The following ZNF469 variants were observed in gnomAD, a reference collection of about 807,000 sequenced individuals.
ZNF469 encodes zinc finger protein 469.
ZNF469 carries 1 observed loss-of-function variant against 1.0 expected under a neutral mutation model. That is an observed-to-expected ratio of 1.00 (90% CI 0.35 to 4.73). The LOEUF (loss-of-function observed/expected upper bound fraction) is 4.73. Ranked by LOEUF, ZNF469 falls within the 30% of genes most tolerant of loss-of-function variation. ZNF469 has a pLI of 0.16. For missense variants in ZNF469, 6,100 were observed against 5,356.3 expected, an observed-to-expected ratio of 1.14 and a Z score of -4.33; for synonymous variants, 2,703 against 2,363.4, an observed-to-expected ratio of 1.14 and a Z score of -4.17.
chr16:88,319,159 C>T, the ZNF469 span, among the ~76,000 whole-genome samples: 11 of 152,244 alleles, frequency 7.2e-5, no homozygotes, highest in Middle Eastern at 0.01. Flanking sequence ...ATTTGGGGTT[C>T]GGGCTCCTCA....
At chr16:88,117,453 C>T in the ZNF469 span, among the ~76,000 whole-genome samples, 1 of 152,178 alleles carries the variant, frequency 6.6e-6, no homozygotes, top group Non-Finnish European at 1.5e-5. Context: ...TCTTTTTTTA[C>T]TTGGAGAGAC....
chr16:88,249,950 G>A, the ZNF469 span, among the ~76,000 whole-genome samples: 1 of 152,200 alleles, frequency 6.6e-6, no homozygotes, highest in Non-Finnish European at 1.5e-5. Context: ...CAGCATAGCT[G>A]GTTCCTTCTC....
At chr16:88,107,597 G>A in the ZNF469 span, among the ~76,000 whole-genome samples, 11 of 152,228 alleles carry the variant, frequency 7.2e-5, no homozygotes, top group Admixed American at 7.2e-4. Flanking sequence ...CACTGCCTGT[G>A]GCTGAGGGTC....
the ZNF469 span, among the ~76,000 whole-genome samples, chr16:88,160,800 G>A: frequency 1.3e-5 from 2 of 152,132 alleles, no homozygotes; most frequent in East Asian, 3.9e-4. Context: ...GATACACTGA[G>A]CCACCCAGCC....
Position 88,435,623 on chromosome 16 carries a change from AGACTG to A in ZNF469, c.8155_8159del (p.Thr2719GlyfsTer115). The A allele has an allele frequency of 6.5e-7, 1 of 1,550,256 alleles. No individual in the cohort carries two copies. ...GACCAGGAGGCTCTGTGTGCAGGGGAGACTGGGGCCCAGAAGCCACCTGGAGATCG... is the reference window on the plus strand; with the variant it reads ...GACCAGGAGGCTCTGTGTGCAGGGGAGGGCCCAGAAGCCACCTGGAGATCG... On this transcript the variant is annotated frameshift_variant, in exon 3 of 3. Transcript: ENST00000565624. LOFTEE classifies it low-confidence loss of function (END_TRUNC).
At chr16:88,395,638 T>C (rs1481152688) in intron 1 of ZNF469, among the ~76,000 whole-genome samples, 1 of 152,028 alleles carries the variant, frequency 6.6e-6, no homozygotes, top group Non-Finnish European at 1.5e-5. Context: ...GTAGATAACA[T>C]TATAATGTTA....
the ZNF469 span, among the ~76,000 whole-genome samples, chr16:88,224,208 A>T: frequency 6.6e-6 from 1 of 152,176 alleles, no homozygotes; most frequent in East Asian, 1.9e-4. Context: ...GGAGGAAGAC[A>T]CGCGGCCACA....
chr16:88,159,389 G>A, the ZNF469 span, among the ~76,000 whole-genome samples: 2 of 152,150 alleles, frequency 1.3e-5, no homozygotes, highest in Admixed American at 6.5e-5. Context: ...TCTCTACCGT[G>A]CCACGGCTCA....
intron 1 of ZNF469, among the ~76,000 whole-genome samples, chr16:88,415,519 G>C (rs1288052704): frequency 6.6e-6 from 1 of 152,352 alleles, no homozygotes; most frequent in East Asian, 1.9e-4. Context: ...CCCCCAGCCT[G>C]GGAATGGCAG....
the ZNF469 span, among the ~76,000 whole-genome samples, chr16:88,374,654 A>G: frequency 6.6e-6 from 1 of 152,112 alleles, no homozygotes; most frequent in Non-Finnish European, 1.5e-5. Context: ...TTGTTTTCTT[A>G]TTCACACTAA....
the ZNF469 span, among the ~76,000 whole-genome samples, chr16:88,186,152 T>G: frequency 6.6e-6 from 1 of 152,316 alleles, no homozygotes; most frequent in African/African-American, 2.4e-5. Flanking sequence ...TGTATTCGAC[T>G]GCGGGGGCGT....
chr16:88,140,523 C>T, the ZNF469 span, among the ~76,000 whole-genome samples: 21 of 148,268 alleles, frequency 1.4e-4, no homozygotes, highest in African/African-American at 4.0e-4. Context: ...ACGTGAGAGA[C>T]GCGATGTTCA....
the ZNF469 span, among the ~76,000 whole-genome samples, chr16:88,121,591 C>A: frequency 6.6e-6 from 1 of 152,286 alleles, no homozygotes; most frequent in East Asian, 1.9e-4. Flanking sequence ...CCCTGGGCCA[C>A]TGTGAGAGTT....
At chr16:88,239,663 T>A in the ZNF469 span, among the ~76,000 whole-genome samples, 18 of 91,882 alleles carry the variant, frequency 2.0e-4, no homozygotes, top group African/African-American at 7.5e-4. Context: ...TATTTTTTTT[T>A]TTTGTATATA....
the ZNF469 span, among the ~76,000 whole-genome samples, chr16:88,108,149 ATGGGGGT>A: frequency 9.5e-6 from 1 of 105,252 alleles, no homozygotes; most frequent in Admixed American, 1.2e-4. Context: ...GGATGTGGGG[ATGGGGGT>A]CCACGTCTGT....
the ZNF469 span, among the ~76,000 whole-genome samples, chr16:88,340,680 A>C: frequency 7.0e-6 from 1 of 142,478 alleles, no homozygotes; most frequent in Non-Finnish European, 1.5e-5. Context: ...GGGAGCACAG[A>C]GGAGGCAGGT....
chr16:88,364,424 T>G, the ZNF469 span, among the ~76,000 whole-genome samples: 1 of 148,484 alleles, frequency 6.7e-6, no homozygotes, highest in Non-Finnish European at 1.5e-5. Context: ...TTATTTTGTC[T>G]GGCTATTATT....
chr16:88,394,577 G>A (rs899461959), intron 1 of ZNF469, among the ~76,000 whole-genome samples: 6 of 152,224 alleles, frequency 3.9e-5, no homozygotes, highest in African/African-American at 7.2e-5. Flanking sequence ...ACAGGCCTGT[G>A]GGGTGTGAGG....
Position 88,428,159 on chromosome 16 carries a change from G to T in ZNF469, c.689G>T (p.Ser230Ile), listed in dbSNP as rs554483098. The T allele has an allele frequency of 2.6e-6, 4 of 1,550,202 alleles. No homozygotes were observed. Among genetic ancestry groups the T allele is most frequent in the Non-Finnish European group, 3.5e-6 (4 of 1,146,902 alleles). Residue 230 changes from serine to isoleucine, a missense_variant, in exon 3 of 3, where the codon AGT becomes ATT. By Grantham distance (142) the Ser-to-Ile change is moderately radical. Coordinates refer to ENST00000565624, the MANE Select transcript of ZNF469 (RefSeq NM_001367624.2). The stretch of plus-strand genomic sequence containing the variant: ...GGTTCCTATCCCGAATACCAGGCCA[G>T]TGGGGCCGACTCCTGGCCTCCCGCT... Reference protein sequence around the residue: ...QPGSYPEYQASGADSWPPAAE... With the variant: ...QPGSYPEYQAIGADSWPPAAE...
Sources: gnomAD v4.1 joint callset for allele counts (sites outside exome capture counted in the v4.1 genomes callset) on GRCh38, gnomAD v4.1.1 for gene constraint, MANE v1.5 for transcripts, NCBI Gene and HGNC (gene_info 2026-07-23, HGNC 2026-07-21) for gene names.